The following CHST12 variants were observed in gnomAD, a reference collection of about 807,000 sequenced individuals.
CHST12 encodes carbohydrate (chondroitin 4) sulfotransferase 12.
CHST12 carries 23 observed loss-of-function variants against 27.9 expected under a neutral mutation model. That is an observed-to-expected ratio of 0.82 (90% CI 0.59 to 1.17). CHST12 has a LOEUF of 1.17. Among genes scored for constraint, CHST12 ranks in the 50% most tolerant of loss-of-function variants. The probability of loss-of-function intolerance (pLI) is 0.00; values close to 1 mark genes in which losing one functional copy is unlikely to be tolerated. For synonymous variants in CHST12, 322 were observed against 273.0 expected (o/e 1.18, Z -1.77); for missense variants, 682 against 603.0 (o/e 1.13, Z -1.37).
intron 1 of CHST12, among the ~76,000 whole-genome samples, chr7:2,407,922 C>T (rs752792996): frequency 4.6e-5 from 7 of 151,858 alleles, no homozygotes; most frequent in Admixed American, 6.6e-5. Context: ...AATGAGACTC[C>T]GTCTCAAAAA....
At position 2,432,300 on chromosome 7, in the gene CHST12, G is replaced by A. The variant is rs547652063; in HGVS notation, c.-77-263G>A. 2.0e-5 allele frequency among the ~76,000 whole-genome samples: 3 copies of A among 152,144 alleles called. No homozygotes were observed. In the South Asian group the frequency reaches 6.2e-4, roughly 32 times the overall value. Reference sequence around the variant, plus strand: ...GGGCAATATTACTTTCCCGCCAGTGGCGAGTGTCAGCACATGTGGAGTACT... The same window carrying A: ...GGGCAATATTACTTTCCCGCCAGTGACGAGTGTCAGCACATGTGGAGTACT... On this transcript the variant is annotated intron_variant, in intron 1 of 1. Coordinates refer to ENST00000618655, the MANE Select transcript of CHST12 (RefSeq NM_018641.5).
At chr7:2,405,093 G>A (rs1781488680) in intron 1 of CHST12, among the ~76,000 whole-genome samples, 1 of 152,170 alleles carries the variant, frequency 6.6e-6, no homozygotes, top group East Asian at 1.9e-4. Context: ...TGATGTTTGG[G>A]GGAGATGGTG....
intron 1 of CHST12, among the ~76,000 whole-genome samples, chr7:2,413,425 A>G (rs1781719646): frequency 6.6e-6 from 1 of 152,238 alleles, no homozygotes; most frequent in African/African-American, 2.4e-5. Context: ...AAACGTACCC[A>G]TTTTAAGTAT....
chr7:2,418,570 T>C (rs950180770), intron 1 of CHST12, among the ~76,000 whole-genome samples: 4 of 152,248 alleles, frequency 2.6e-5, no homozygotes, highest in African/African-American at 4.8e-5. Flanking sequence ...GTCCTATTTC[T>C]TTTTAATGAA....
intron 1 of CHST12, among the ~76,000 whole-genome samples, chr7:2,404,714 A>G (rs1051014621): frequency 6.6e-6 from 1 of 152,234 alleles, no homozygotes; most frequent in Admixed American, 6.5e-5. Flanking sequence ...CGAAGGTGCA[A>G]CGCTTGAGAT....
In CHST12 at chr7:2,433,877, G is replaced by A. The variant is rs762181254; in HGVS notation, c.1238G>A (p.Arg413Gln). ...TACCCCAAGCCCGAAAACCTCCTCC[G>A]AGACTGAAAGCTTTCGCGTTGCTTT... ...FGYPKPENLL[R>Q]D The change falls in exon 2 of 2, where the codon CGA becomes CAA. Residue 413 changes from arginine to glutamine, a missense_variant. Coordinates refer to ENST00000618655, the MANE Select transcript of CHST12 (RefSeq NM_018641.5). This position sits in a 1 kb window ranked among gnomAD's most constrained non-coding sequence, Gnocchi z 6.1. The A allele has an allele frequency of 5.9e-5, 92 of 1,564,906 alleles. No homozygotes were observed. The highest frequency in any genetic ancestry group is 7.8e-5 in the Admixed American group (4 of 51,120).
chr7:2,418,843 C>G (rs547894430), intron 1 of CHST12, among the ~76,000 whole-genome samples: 17 of 152,212 alleles, frequency 1.1e-4, no homozygotes, highest in Non-Finnish European at 2.1e-4. Context: ...GTCACCCAGG[C>G]TGGAGTACAA....
rs10226762 is a variant in CHST12 at position 2,446,552 on chromosome 7, T to C, written c.*12668T>C. 64,455 of 152,658 alleles carry C rather than the reference T, an allele frequency of 0.42. 14,818 individuals carry two copies. Among genetic ancestry groups the C allele is most frequent in the East Asian group, 0.77 (3,996 of 5,158 alleles). 9.5% of individuals were successfully genotyped at this position (152,658 alleles called of 1,614,324 possible). On this transcript the variant is annotated 3_prime_UTR_variant, in exon 2 of 2. Transcript: ENST00000618655. ...GCGGCTATGTCCAGGGACCCCTGGC[T>C]GTGCCCACGTCGGGGCTTCCCGTTC...
chr7:2,434,193 T>C lies in CHST12; in HGVS notation c.*309T>C, dbSNP rs1583229455. 8.3e-6 allele frequency: 2 copies of C among 241,586 alleles called. No individual in the cohort carries two copies. Among genetic ancestry groups the C allele is most frequent in the East Asian group, 2.0e-4 (2 of 10,054 alleles). 15.0% of individuals were successfully genotyped at this position (241,586 alleles called of 1,614,324 possible). ...CGCCGGGAGGGGATGCTGAGGCTGA[T>C]GGAGCTGCCTCCAGGGCTAGGGCCA... On this transcript the variant is annotated 3_prime_UTR_variant, in exon 2 of 2. Transcript: ENST00000618655.
intron 1 of CHST12, among the ~76,000 whole-genome samples, chr7:2,410,324 G>C (rs1188607830): frequency 3.9e-5 from 6 of 152,158 alleles, no homozygotes; most frequent in Admixed American, 3.9e-4. Context: ...GTCAGTGCAG[G>C]AAGACAGTGA....
At chr7:2,408,211 A>G (rs150077251) in intron 1 of CHST12, among the ~76,000 whole-genome samples, 3 of 151,786 alleles carry the variant, frequency 2.0e-5, no homozygotes, top group African/African-American at 7.3e-5. Flanking sequence ...CTAATACAAA[A>G]ATTAGCCAGG....
Position 2,433,057 on chromosome 7 carries a change from C to T in CHST12, c.418C>T (p.Pro140Ser). The stretch of plus-strand genomic sequence containing the variant: ...CTGCGCCAACTCCAGCCTGGCCTTC[C>T]CCACCAAGGAGCGCGCATTCGACGA... ...GFCANSSLAF[P>S]TKERAFDDIP... The change falls in exon 2 of 2, where the codon CCC (proline) becomes TCC (serine). Residue 140 changes from proline to serine, a missense_variant. By Grantham distance (74) the Pro-to-Ser change is moderately conservative (BLOSUM62 -1). Transcript: ENST00000618655. This position sits in a 1 kb window ranked among gnomAD's most constrained non-coding sequence, Gnocchi z 6.1. The T allele has an allele frequency of 1.2e-6, 2 of 1,612,038 alleles. No homozygotes were observed. Among genetic ancestry groups the T allele is most frequent in the Middle Eastern group, 3.3e-4 (2 of 6,062 alleles).
chr7:2,420,555 C>T lies in CHST12; in HGVS notation c.-77-12008C>T, dbSNP rs143111065. ...GAGTGCAGTGGCTCATGCCTGTCAT[C>T]CCAGCACTTTGGGGGGCCAAGGTGG... On this transcript the variant is annotated intron_variant, in intron 1 of 1. Coordinates refer to ENST00000618655, the MANE Select transcript of CHST12 (RefSeq NM_018641.5). Among the ~76,000 whole-genome samples, 490 of 152,256 alleles carry T rather than the reference C, an allele frequency of 3.2e-3. 3 individuals are homozygous for T. Among genetic ancestry groups the T allele is most frequent in the East Asian group, 0.025 (129 of 5,174 alleles).
At position 2,433,938 on chromosome 7, in the gene CHST12, C is replaced by T; in HGVS notation, c.*54C>T. ...CCTGGAACCTGACGCACGCGCACTC[C>T]AGTTTTTTTATGACCTACGATTTTG... On this transcript the variant is annotated 3_prime_UTR_variant, in exon 2 of 2. Coordinates refer to ENST00000618655, the MANE Select transcript of CHST12 (RefSeq NM_018641.5). This position sits in a 1 kb window ranked among gnomAD's most constrained non-coding sequence, Gnocchi z 6.1. 1 of 1,488,406 alleles carries T rather than the reference C, an allele frequency of 6.7e-7. No homozygotes were observed. Among genetic ancestry groups the T allele is most frequent in the Non-Finnish European group, 9.0e-7 (1 of 1,106,964 alleles). The allele number at this position is 1,488,406 out of a possible 1,614,324, so 92.2% of individuals were successfully genotyped here.
chr7:2,406,133 C>T (rs1035558171), intron 1 of CHST12, among the ~76,000 whole-genome samples: 17 of 151,952 alleles, frequency 1.1e-4, no homozygotes, highest in Admixed American at 2.0e-4. Context: ...TCTTGAGTTT[C>T]GATTCTTAAG....
At position 2,404,647 on chromosome 7, in the gene CHST12, G is replaced by A. The variant is rs554940901; in HGVS notation, c.-78+974G>A. ...CGTGAGCATCTGGTGTTGGGAGTCA[G>A]GGCTGGTGTCTGAGTGAGGATGGAG... is the stretch of plus-strand genomic sequence containing the variant. On this transcript the variant is annotated intron_variant, in intron 1 of 1. Transcript: ENST00000618655. Among the ~76,000 whole-genome samples, 5 of 152,356 alleles carry A rather than the reference G, an allele frequency of 3.3e-5. No homozygotes were observed. In the South Asian group the frequency reaches 1.0e-3, roughly 32 times the overall value.
chr7:2,415,713 C>T (rs909509178), intron 1 of CHST12, among the ~76,000 whole-genome samples: 3 of 151,450 alleles, frequency 2.0e-5, no homozygotes, highest in African/African-American at 4.8e-5. Context: ...CCCGGGTTCA[C>T]GCCATTCTCC....
chr7:2,419,124 C>T (rs1195473890), intron 1 of CHST12, among the ~76,000 whole-genome samples: 1 of 151,880 alleles, frequency 6.6e-6, no homozygotes, highest in African/African-American at 2.4e-5. Context: ...AAAATTAAAA[C>T]TTGGCTGGGC....
intron 1 of CHST12, among the ~76,000 whole-genome samples, chr7:2,423,382 C>T (rs893499277): frequency 3.9e-5 from 6 of 152,076 alleles, no homozygotes; most frequent in African/African-American, 9.7e-5. Flanking sequence ...CCACTCACAC[C>T]CTGAACACAC....
Sources: allele counts gnomAD v4.1 joint callset (sites outside exome capture counted in the v4.1 genomes callset), GRCh38; gene constraint gnomAD v4.1.1; non-coding constraint Gnocchi (gnomAD v3.1); transcripts MANE v1.5; gene names NCBI Gene and HGNC (gene_info 2026-07-23, HGNC 2026-07-21).